The following MAGI2 variants were observed in gnomAD, a reference collection of about 807,000 sequenced individuals.
The protein encoded by MAGI2 is membrane-associated guanylate kinase, WW and PDZ domain-containing protein 2.
In MAGI2, 35 loss-of-function variants were observed where a neutral mutation model predicts 133.3. That is an observed-to-expected ratio of 0.26 (90% CI 0.20 to 0.35). The LOEUF (loss-of-function observed/expected upper bound fraction) is 0.35, where lower values mean the gene tolerates loss of function less well. Ranked by LOEUF, MAGI2 falls within the 10% of genes least tolerant of loss-of-function variation. The probability of loss-of-function intolerance (pLI) is 1.00; values close to 1 mark genes in which losing one functional copy is unlikely to be tolerated. For missense variants in MAGI2, 1,636 were observed against 1,863.4 expected (o/e 0.88, Z 2.25); for synonymous variants, 729 against 710.6 (o/e 1.03, Z -0.41).
At chr7:78,460,891 A>G (rs761943589) in intron 6 of MAGI2, among the ~76,000 whole-genome samples, 18 of 151,800 alleles carry the variant, frequency 1.2e-4, no homozygotes, top group Admixed American at 6.6e-5. Flanking sequence ...CTCTTCTTCA[A>G]CCTCTCAGAC....
At chr7:78,302,481 G>A (rs1379405832) in intron 9 of MAGI2, among the ~76,000 whole-genome samples, 3 of 152,186 alleles carry the variant, frequency 2.0e-5, no homozygotes, top group African/African-American at 7.2e-5. Flanking sequence ...CTGAGATCAA[G>A]TTGTAGTTGA....
chr7:78,999,649 G>A (rs1432889614), intron 2 of MAGI2, among the ~76,000 whole-genome samples: 1 of 152,082 alleles, frequency 6.6e-6, no homozygotes, highest in Admixed American at 6.6e-5. Context: ...TATGCCAAGG[G>A]CATACATCGA....
chr7:78,463,610 G>A lies in MAGI2; in HGVS notation c.1045+26151C>T, dbSNP rs536812394. 2.0e-5 allele frequency among the ~76,000 whole-genome samples: 3 copies of A among 152,304 alleles called. 1 individual carries two copies. Among genetic ancestry groups the A allele is most frequent in the Admixed American group, 1.3e-4 (2 of 15,302 alleles). On this transcript the variant is annotated intron_variant, in intron 6 of 21. Coordinates refer to ENST00000354212, the MANE Select transcript of MAGI2 (RefSeq NM_012301.4). ...CCATGTGAGGTCCTGGAATATAAGC[G>A]GGAGAGCAAAGATGCAAGAATAACA...
chr7:78,185,897 T>A (rs1218145819), intron 12 of MAGI2, among the ~76,000 whole-genome samples: 1 of 152,098 alleles, frequency 6.6e-6, no homozygotes, highest in Non-Finnish European at 1.5e-5. Flanking sequence ...AATAGAAAAA[T>A]CTGAATTTCT....
chr7:78,203,647 A>G (rs1436301595), intron 10 of MAGI2, among the ~76,000 whole-genome samples: 2 of 152,188 alleles, frequency 1.3e-5, no homozygotes, highest in African/African-American at 4.8e-5. Flanking sequence ...TCCTTTCTGA[A>G]TTATTGTTAA....
At chr7:78,706,785 A>G (rs995699419) in intron 2 of MAGI2, among the ~76,000 whole-genome samples, 2 of 152,120 alleles carry the variant, frequency 1.3e-5, no homozygotes, top group African/African-American at 4.8e-5. Flanking sequence ...GAAACAATGC[A>G]TAGGACTGTT....
chr7:78,727,177 G>A (rs140229866), intron 2 of MAGI2, among the ~76,000 whole-genome samples: 1 of 152,268 alleles, frequency 6.6e-6, no homozygotes, highest in East Asian at 1.9e-4. Flanking sequence ...AATGGAAGTA[G>A]ACACAAAAAG....
chr7:79,062,472 G>C (rs896270292), intron 1 of MAGI2, among the ~76,000 whole-genome samples: 2 of 151,978 alleles, frequency 1.3e-5, no homozygotes, highest in African/African-American at 4.8e-5. Flanking sequence ...TGTCATCCTT[G>C]TTTTCTGTTC....
intron 1 of MAGI2, among the ~76,000 whole-genome samples, chr7:79,104,629 C>T (rs12705998): frequency 0.77 from 117,528 of 151,942 alleles, 46,316 homozygotes; most frequent in Non-Finnish European, 0.85. Context: ...AACGTGCCAC[C>T]GCACTTTAGC....
chr7:79,033,202 T>C (rs1265228252), intron 1 of MAGI2, among the ~76,000 whole-genome samples: 2 of 152,178 alleles, frequency 1.3e-5, no homozygotes, highest in East Asian at 1.9e-4. Context: ...GTATTATCTA[T>C]ACTGGAAATT....
chr7:79,318,949 A>G (rs1838960368), intron 1 of MAGI2, among the ~76,000 whole-genome samples: 1 of 152,110 alleles, frequency 6.6e-6, no homozygotes, highest in Non-Finnish European at 1.5e-5. Flanking sequence ...TTGCATTATA[A>G]ATATGCATTA....
chr7:78,396,766 C>A (rs1314639499), intron 6 of MAGI2, among the ~76,000 whole-genome samples: 1 of 151,952 alleles, frequency 6.6e-6, no homozygotes, highest in African/African-American at 2.4e-5. Context: ...TAAAATGATT[C>A]CTAAGTGAAG....
intron 1 of MAGI2, among the ~76,000 whole-genome samples, chr7:79,442,865 C>T (rs1321569554): frequency 6.6e-6 from 1 of 152,044 alleles, no homozygotes; most frequent in Non-Finnish European, 1.5e-5. Context: ...TAGTGACCCT[C>T]CAAGCCTAAA....
intron 1 of MAGI2, among the ~76,000 whole-genome samples, chr7:79,148,621 A>C (rs1388886326): frequency 1.3e-5 from 2 of 151,712 alleles, no homozygotes; most frequent in Non-Finnish European, 2.9e-5. Flanking sequence ...TTTTGTCTTC[A>C]TTCAGAGGTA....
At chr7:78,541,136 G>T (rs1185706114) in intron 3 of MAGI2, among the ~76,000 whole-genome samples, 1 of 152,054 alleles carries the variant, frequency 6.6e-6, no homozygotes, top group East Asian at 1.9e-4. Context: ...TTCCTTCCCT[G>T]ATACTCAGGA....
At chr7:78,403,137 C>T (rs559855611) in intron 6 of MAGI2, among the ~76,000 whole-genome samples, 2 of 152,130 alleles carry the variant, frequency 1.3e-5, no homozygotes, top group African/African-American at 4.8e-5. Flanking sequence ...TCTCCTAATG[C>T]TGTCCCTCCT....
rs369106006 is a variant in MAGI2 at position 78,785,511 on chromosome 7, C to T, written c.419-158272G>A. On this transcript the variant is annotated intron_variant, in intron 2 of 21. Coordinates refer to ENST00000354212, the MANE Select transcript of MAGI2 (RefSeq NM_012301.4). ...CAGAGGTGCTGCCTTTGATGCCACT[C>T]ACTTTTCTGCTCTGGGGATATGTGT... Among the ~76,000 whole-genome samples, 8 of 152,306 alleles carry T rather than the reference C, an allele frequency of 5.3e-5. 1 individual carries two copies. Among genetic ancestry groups the T allele is most frequent in the Admixed American group, 2.6e-4 (4 of 15,300 alleles).
chr7:79,026,935 A>T (rs969780360), intron 1 of MAGI2, among the ~76,000 whole-genome samples: 2 of 150,884 alleles, frequency 1.3e-5, no homozygotes, highest in Non-Finnish European at 3.0e-5. Context: ...GAAGACATAC[A>T]AATGACCAAA....
At chr7:79,333,471 A>C (rs1354774252) in intron 1 of MAGI2, among the ~76,000 whole-genome samples, 1 of 152,178 alleles carries the variant, frequency 6.6e-6, no homozygotes, top group Non-Finnish European at 1.5e-5. Context: ...GTTCATAAAC[A>C]GCATATCTAT....
Sources: gnomAD v4.1 joint callset for allele counts (sites outside exome capture counted in the v4.1 genomes callset) on GRCh38, gnomAD v4.1.1 for gene constraint, MANE v1.5 for transcripts, NCBI Gene and HGNC (gene_info 2026-07-23, HGNC 2026-07-21) for gene names.